The following DEPDC5 variants were observed in gnomAD, a reference collection of about 807,000 sequenced individuals.
DEPDC5 encodes the protein GATOR1 complex protein DEPDC5.
Under a neutral mutation model 217.3 loss-of-function variants are expected in DEPDC5, and 73 were observed. The ratio of observed to expected loss-of-function variants is 0.34; its 90% CI spans 0.28 to 0.41. The LOEUF is 0.41. DEPDC5 is among the 10% of genes least tolerant of loss of function. DEPDC5 has a pLI of 1.00. For missense variants in DEPDC5, 1,675 were observed against 2,070.1 expected (o/e 0.81, Z 3.70); for synonymous variants, 733 against 756.7 (o/e 0.97, Z 0.51).
chr22:31,871,296 T>C (rs907226278), intron 34 of DEPDC5, among the ~76,000 whole-genome samples: 1 of 152,216 alleles, frequency 6.6e-6, no homozygotes, highest in African/African-American at 2.4e-5. Context: ...GCCGCAGTCT[T>C]TTCTTATTGT....
At chr22:31,763,105 C>T (rs528740321) in intron 4 of DEPDC5, among the ~76,000 whole-genome samples, 3 of 152,156 alleles carry the variant, frequency 2.0e-5, no homozygotes, top group Non-Finnish European at 4.4e-5. Flanking sequence ...ATTCTCCTGC[C>T]TCAGCCTCCT....
Position 31,754,973 on chromosome 22 carries a change from G to A in DEPDC5, c.52G>A (p.Gly18Ser), listed in dbSNP as rs1357795419. 2 of 1,614,186 alleles carry A rather than the reference G, an allele frequency of 1.2e-6. No homozygotes were observed. Among genetic ancestry groups the A allele is most frequent in the Non-Finnish European group, 1.7e-6 (2 of 1,180,038 alleles). Residue 18 changes from glycine to serine, a missense_variant, in exon 2 of 43, where the codon GGC becomes AGC. Around this residue, in one of 11 missense-constraint regions of DEPDC5, gnomAD observed 628 missense variants for 762.1 expected, o/e 0.82. Transcript: ENST00000651528. ...KLVIHKKGFGGSDDELVVNPK... is the reference protein window; with the variant it reads ...KLVIHKKGFGSSDDELVVNPK... ...CGTCATCCACAAGAAGGGCTTTGGG[G>A]GCAGTGGTCAGTATCGATTGGTCTT...
At chr22:31,795,065 ATT>A (rs983604458) in intron 12 of DEPDC5, among the ~76,000 whole-genome samples, 1,726 of 107,292 alleles carry the variant, frequency 0.016, 14 homozygotes, top group African/African-American at 0.017. Context: ...ATTCCATGTG[ATT>A]TTTTTTTTTT....
At chr22:31,799,267 T>C (rs2148595088) in intron 14 of DEPDC5, among the ~76,000 whole-genome samples, 2 of 151,694 alleles carry the variant, frequency 1.3e-5, no homozygotes, top group Admixed American at 1.3e-4. Context: ...ATGGTCTCGA[T>C]CTCCTGACCT....
At chr22:31,822,175 A>G (rs1222234255) in intron 23 of DEPDC5, among the ~76,000 whole-genome samples, 3 of 152,232 alleles carry the variant, frequency 2.0e-5, no homozygotes, top group Middle Eastern at 6.3e-3. Flanking sequence ...GTAGGAGGAA[A>G]GTCATTTAAG....
intron 38 of DEPDC5, chr22:31,880,119 A>G: frequency 3.7e-6 from 1 of 269,502 alleles, no homozygotes; most frequent in East Asian, 8.4e-5. Context: ...CTACAACCAT[A>G]GCATCCTATG....
At chr22:31,813,721 G>A (rs2088719013) in intron 20 of DEPDC5, among the ~76,000 whole-genome samples, 1 of 151,150 alleles carries the variant, frequency 6.6e-6, no homozygotes, top group South Asian at 2.1e-4. Flanking sequence ...ACTTTTATTA[G>A]GAAATGTTCA....
At chr22:31,754,269 C>G (rs1163317346) in intron 1 of DEPDC5, 105 bp downstream of exon 1, 2 of 154,154 alleles carry the variant, frequency 1.3e-5, no homozygotes, top group Non-Finnish European at 2.9e-5. Flanking sequence ...GCTGTGTGAC[C>G]TTGGACAAGT....
At chr22:31,800,941 A>T (rs2086801934) in intron 14 of DEPDC5, among the ~76,000 whole-genome samples, 1 of 151,586 alleles carries the variant, frequency 6.6e-6, no homozygotes, top group African/African-American at 2.4e-5. Context: ...ACGCCGCTGC[A>T]CTCCAACCTG....
intron 16 of DEPDC5, among the ~76,000 whole-genome samples, chr22:31,804,536 TTCAA>T (rs966826270): frequency 6.6e-6 from 1 of 152,128 alleles, no homozygotes; most frequent in Admixed American, 6.5e-5. Flanking sequence ...GCCTCCCGGG[TTCAA>T]TCAGTTCTCC....
chr22:31,796,099 CTTTTT>C (rs60336012), intron 12 of DEPDC5, among the ~76,000 whole-genome samples: 3 of 127,534 alleles, frequency 2.4e-5, no homozygotes, highest in Non-Finnish European at 4.8e-5. Flanking sequence ...TCCACAGTAT[CTTTTT>C]TTTTTTTTTT....
At chr22:31,801,750 A>C (rs8141348) in intron 14 of DEPDC5, among the ~76,000 whole-genome samples, 1,729 of 152,270 alleles carry the variant, frequency 0.011, 34 homozygotes, top group African/African-American at 0.038. Flanking sequence ...TCCATCTGCC[A>C]CTGGCCAGAG....
chr22:31,764,550 G>A (rs1247843502), intron 4 of DEPDC5, among the ~76,000 whole-genome samples: 3 of 151,904 alleles, frequency 2.0e-5, no homozygotes, highest in African/African-American at 7.3e-5. Flanking sequence ...CAAGTAGCTT[G>A]GATTACAGGC....
intron 29 of DEPDC5, 94 bp downstream of exon 29, chr22:31,843,906 CT>C: frequency 1.5e-6 from 2 of 1,313,464 alleles, no homozygotes; most frequent in South Asian, 1.9e-5. Flanking sequence ...CTCTCTCTCC[CT>C]TTTTCTTTTT....
At chr22:31,877,724 CTG>C (rs1239704240) in intron 37 of DEPDC5, among the ~76,000 whole-genome samples, 2 of 111,952 alleles carry the variant, frequency 1.8e-5, no homozygotes, top group African/African-American at 3.5e-5. Flanking sequence ...CACTTCCAGT[CTG>C]GCGACAGAGC....
chr22:31,771,762 C>CACACAT, intron 7 of DEPDC5, among the ~76,000 whole-genome samples: 1 of 137,474 alleles, frequency 7.3e-6, no homozygotes, highest in Admixed American at 7.2e-5. Context: ...CACACACACA[C>CACACAT]ACACACACAC....
In DEPDC5 at chr22:31,819,247, G is replaced by C. The variant is rs765463521; in HGVS notation, c.1870+22G>C. ...GTGGGTAAGTTGGTTGCTTAAGAGA[G>C]AGCCTTGGACTAGGAGCTCCTAGCC... On this transcript the variant is annotated intron_variant, in intron 22 of 42. Transcript: ENST00000651528. The C allele has an allele frequency of 8.7e-6, 14 of 1,613,604 alleles. 1 individual carries two copies. In the South Asian group the frequency reaches 1.5e-4, roughly 18 times the overall value.
At chr22:31,794,063 A>T (rs538114439) in intron 12 of DEPDC5, among the ~76,000 whole-genome samples, 16 of 152,334 alleles carry the variant, frequency 1.1e-4, no homozygotes, top group African/African-American at 3.8e-4. Flanking sequence ...TCAGTAACTT[A>T]TCCAAAGTCC....
intron 12 of DEPDC5, among the ~76,000 whole-genome samples, chr22:31,793,069 A>AAAATAAATAAATAAAT (rs376718942): frequency 6.6e-6 from 1 of 150,918 alleles, no homozygotes; most frequent in African/African-American, 2.5e-5. Context: ...CCCTGTCTCC[A>AAAATAAATAAATAAAT]AAATAAATAA....
Sources: gnomAD v4.1 joint callset for allele counts (sites outside exome capture counted in the v4.1 genomes callset) on GRCh38, gnomAD v4.1.1 for gene constraint, gnomAD v4.1.1 regional missense constraint, MANE v1.5 for transcripts, NCBI Gene and HGNC (gene_info 2026-07-23, HGNC 2026-07-21) for gene names.